Variants in SNX9 observed in about 807,000 individuals in gnomAD.
SNX9 encodes the protein sorting nexin-9.
Under a neutral mutation model 89.4 loss-of-function variants are expected in SNX9, and 44 were observed. The observed-to-expected ratio is 0.49, with a 90% CI of 0.39 to 0.63. The LOEUF (loss-of-function observed/expected upper bound fraction) is 0.63. Among genes scored for constraint, SNX9 ranks in the 30% least tolerant of loss-of-function variants. The pLI, the probability that SNX9 is intolerant of heterozygous loss-of-function variation, is 0.00. For missense variants in SNX9, 578 were observed against 736.1 expected, an observed-to-expected ratio of 0.79 and a Z score of 2.49; for synonymous variants, 236 against 247.8, an observed-to-expected ratio of 0.95 and a Z score of 0.45.
intron 2 of SNX9, among the ~76,000 whole-genome samples, chr6:157,870,150 CCTCA>C (rs998430487): frequency 7.3e-5 from 11 of 151,020 alleles, no homozygotes; most frequent in African/African-American, 2.0e-4. Flanking sequence ...CACACACACC[CCTCA>C]CTCACCTGCT....
At chr6:157,858,266 G>A (rs1224093609) in intron 1 of SNX9, among the ~76,000 whole-genome samples, 1 of 145,434 alleles carries the variant, frequency 6.9e-6, no homozygotes, top group African/African-American at 2.6e-5. Context: ...TTTTTTTTGA[G>A]ATGGAGTTTT....
intron 9 of SNX9, 56 bp from the exon 10 acceptor site, chr6:157,921,475 T>G (rs769562023): frequency 3.9e-5 from 61 of 1,580,528 alleles, no homozygotes; most frequent in Non-Finnish European, 5.3e-5. Flanking sequence ...TACAGTATGG[T>G]AACAGTCATT....
At chr6:157,938,604 T>C in intron 15 of SNX9, 29 bp from the exon 16 acceptor site, 1 of 1,431,946 alleles carries the variant, frequency 7.0e-7, no homozygotes. Context: ...TTCAGCTTTA[T>C]TCATACTGTT....
In SNX9 at chr6:157,847,729, T is replaced by C. The variant is rs138855966; in HGVS notation, c.13-19818T>C. ...ACGTCGTCTATTCTGGTTTTAGTAG[T>C]GCTAAAATCCTGTAACATATTTTTC... is the stretch of plus-strand genomic sequence containing the variant. On this transcript the variant is annotated intron_variant, in intron 1 of 17. Coordinates refer to ENST00000392185, the MANE Select transcript of SNX9 (RefSeq NM_016224.5). Among the ~76,000 whole-genome samples, 256 of 152,230 alleles carry C rather than the reference T, an allele frequency of 1.7e-3. 1 individual carries two copies. The highest frequency in any genetic ancestry group is 4.1e-3 in the Admixed American group (62 of 15,302).
At chr6:157,883,708 C>A (rs937605369) in intron 4 of SNX9, among the ~76,000 whole-genome samples, 2 of 152,162 alleles carry the variant, frequency 1.3e-5, no homozygotes, top group African/African-American at 4.8e-5. Flanking sequence ...CTTTGGCTTG[C>A]TCTTCTGAGA....
At position 157,853,286 on chromosome 6, in the gene SNX9, T is replaced by C. The variant is rs1193829376; in HGVS notation, c.13-14261T>C. ...TTTAAGGTGACATTTGGCTTGTACA[T>C]GTTGTTCTTGAGAATTCTGCAGTTA... On this transcript the variant is annotated intron_variant, in intron 1 of 17. Transcript: ENST00000392185. Among the ~76,000 whole-genome samples, 3 of 152,284 alleles carry C rather than the reference T, an allele frequency of 2.0e-5. No individual in the cohort carries two copies. In the East Asian group the frequency reaches 5.8e-4, roughly 29 times the overall value.
Position 157,823,316 on chromosome 6 carries a change from C to G in SNX9, c.-119C>G. On this transcript the variant is annotated 5_prime_UTR_variant, in exon 1 of 18. Transcript: ENST00000392185. This position sits in a 1 kb window ranked among gnomAD's most constrained non-coding sequence, Gnocchi z 4.6. ...GGGGCCGAGGCGGAGGAGCGGCCGC[C>G]GCGCCGGGGCCCAGCCGGAGCCGCC... 4.4e-6 allele frequency: 4 copies of G among 913,436 alleles called. No homozygotes were observed. Among genetic ancestry groups the G allele is most frequent in the Non-Finnish European group, 5.5e-6 (4 of 722,200 alleles). The allele number at this position is 913,436 out of a possible 1,614,324, so 56.6% of individuals were successfully genotyped here. A position where few individuals can be genotyped will look rare whatever the true frequency, so the allele number is the denominator to read the frequency against.
At chr6:157,842,433 C>A in intron 1 of SNX9, among the ~76,000 whole-genome samples, 1 of 152,180 alleles carries the variant, frequency 6.6e-6, no homozygotes, top group Non-Finnish European at 1.5e-5. Context: ...TCACCACTGC[C>A]TAGACAGAAT....
chr6:157,871,317 G>C (rs552776622), intron 2 of SNX9, among the ~76,000 whole-genome samples: 2 of 152,202 alleles, frequency 1.3e-5, no homozygotes, highest in African/African-American at 4.8e-5. Flanking sequence ...GGAGTTCCAG[G>C]CTGCAGTGAG....
At chr6:157,872,557 C>T (rs182838543) in intron 2 of SNX9, 1 of 152,610 alleles carries the variant, frequency 6.6e-6, no homozygotes, top group African/African-American at 2.4e-5. Context: ...TGCCAGTTCT[C>T]TGGGTTGGCT....
At chr6:157,892,181 T>C (rs538488692) in intron 4 of SNX9, among the ~76,000 whole-genome samples, 63 of 152,220 alleles carry the variant, frequency 4.1e-4, no homozygotes, top group Non-Finnish European at 8.5e-4. Context: ...AGGAGCTGAA[T>C]AGGTTTTACC....
At chr6:157,929,650 C>T (rs919568631) in intron 12 of SNX9, among the ~76,000 whole-genome samples, 1 of 152,062 alleles carries the variant, frequency 6.6e-6, no homozygotes, top group South Asian at 2.1e-4. Flanking sequence ...TAACATATAC[C>T]TACTTTTCTA....
chr6:157,839,675 C>T (rs901245331), intron 1 of SNX9, among the ~76,000 whole-genome samples: 9 of 152,220 alleles, frequency 5.9e-5, no homozygotes, highest in Admixed American at 4.6e-4. Flanking sequence ...AGTTCCCAGG[C>T]CACCGCCTCT....
intron 12 of SNX9, 38 bp from the exon 13 acceptor site, chr6:157,932,157 C>T: frequency 6.3e-7 from 1 of 1,576,374 alleles, no homozygotes; most frequent in Non-Finnish European, 8.7e-7. Flanking sequence ...TTTCAGTTTG[C>T]TCAGAAGACT....
intron 9 of SNX9, among the ~76,000 whole-genome samples, chr6:157,920,418 T>C (rs1367558223): frequency 6.6e-6 from 1 of 152,182 alleles, no homozygotes; most frequent in East Asian, 1.9e-4. Flanking sequence ...GCGAGCCTTC[T>C]ACCCTCACGG....
intron 4 of SNX9, chr6:157,885,172 G>A (rs201264101): frequency 1.3e-5 from 2 of 152,162 alleles, no homozygotes; most frequent in Non-Finnish European, 1.5e-5. Flanking sequence ...GACATCTGTA[G>A]GTTCAGAATA....
intron 1 of SNX9, among the ~76,000 whole-genome samples, chr6:157,842,428 A>T (rs1239986874): frequency 2.6e-5 from 4 of 152,292 alleles, no homozygotes; most frequent in Non-Finnish European, 1.5e-5. Context: ...CACCATCACC[A>T]CTGCCTAGAC....
chr6:157,873,217 G>C, intron 3 of SNX9, 41 bp downstream of exon 3: 1 of 1,461,666 alleles, frequency 6.8e-7, no homozygotes, highest in East Asian at 2.4e-5. Flanking sequence ...GCTCATCTTT[G>C]CCAGGCATCT....
At chr6:157,918,887 A>G (rs1297566648) in intron 9 of SNX9, among the ~76,000 whole-genome samples, 1 of 151,996 alleles carries the variant, frequency 6.6e-6, no homozygotes, top group Non-Finnish European at 1.5e-5. Flanking sequence ...TCCCTCATTT[A>G]TGCCATTATT....
Sources: gnomAD v4.1 joint callset for allele counts (sites outside exome capture counted in the v4.1 genomes callset) on GRCh38, gnomAD v4.1.1 for gene constraint, Gnocchi (gnomAD v3.1) non-coding constraint, MANE v1.5 for transcripts, NCBI Gene and HGNC (gene_info 2026-07-23, HGNC 2026-07-21) for gene names.